NPHS1: variants seen among roughly 807,000 people sequenced by gnomAD.
The protein encoded by NPHS1 is nephrin.
A neutral mutation model predicts 139.7 loss-of-function variants in NPHS1; 107 were observed. That is an observed-to-expected ratio of 0.77 (90% CI 0.66 to 0.90). The LOEUF is 0.90. Among genes scored for constraint, NPHS1 ranks in the 40% least tolerant of loss-of-function variants. The pLI is 0.00. For missense variants in NPHS1, 1,580 were observed against 1,654.2 expected, an observed-to-expected ratio of 0.96 and a Z score of 0.78; for synonymous variants, 707 against 706.6, an observed-to-expected ratio of 1.00 and a Z score of -0.01.
chr19:35,827,764 A>G (rs767605278), intron 28 of NPHS1, among the ~76,000 whole-genome samples: 6 of 152,078 alleles, frequency 3.9e-5, no homozygotes, highest in Non-Finnish European at 7.4e-5. Context: ...TAAAAATACA[A>G]AAATTAGCCG....
At position 35,845,891 on chromosome 19, in the gene NPHS1, G is replaced by T; in HGVS notation, c.1628-93C>A. On this transcript the variant is annotated intron_variant, in intron 12 of 28. Transcript: ENST00000378910. This position sits in a 1 kb window ranked among gnomAD's most constrained non-coding sequence, Gnocchi z 5.5. ...TGCACCCCAGGCTCCGCCCAGTCTC[G>T]GGTCCCCCACCCCGCCTCCGCCCGC... is the stretch of plus-strand genomic sequence containing the variant. 6.5e-7 allele frequency: 1 copy of T among 1,541,866 alleles called. No individual in the cohort carries two copies. Among genetic ancestry groups the T allele is most frequent in the Non-Finnish European group, 8.8e-7 (1 of 1,142,326 alleles).
At chr19:35,832,973 C>T (rs1257370290) in intron 23 of NPHS1, among the ~76,000 whole-genome samples, 1 of 150,908 alleles carries the variant, frequency 6.6e-6, no homozygotes, top group African/African-American at 2.4e-5. Flanking sequence ...CAACCTCCAC[C>T]TGCAGGGTTC....
chr19:35,841,684 C>T (rs375664414), intron 20 of NPHS1, 31 bp downstream of exon 20: 1 of 1,613,106 alleles, frequency 6.2e-7, no homozygotes, highest in Non-Finnish European at 8.5e-7. Context: ...GGGAGCACCC[C>T]CTCCCCAACA....
chr19:35,832,380 C>CA (rs1395020311), intron 23 of NPHS1, among the ~76,000 whole-genome samples: 1 of 151,920 alleles, frequency 6.6e-6, no homozygotes, highest in African/African-American at 2.4e-5. Flanking sequence ...TGATTCTTTA[C>CA]AAAAAAAATT....
chr19:35,851,225 C>T, intron 3 of NPHS1, 37 bp downstream of exon 3: 1 of 1,613,630 alleles, frequency 6.2e-7, no homozygotes, highest in Non-Finnish European at 8.5e-7. Context: ...GGGCTTGAAG[C>T]CCAGACTCAT....
chr19:35,843,769 C>T, intron 16 of NPHS1, 176 bp from the exon 17 acceptor site: 1 of 757,258 alleles, frequency 1.3e-6, no homozygotes. Context: ...AGGTTGTCTC[C>T]ACCCTCCACT....
chr19:35,841,821 G>A lies in NPHS1; in HGVS notation c.2709C>T (p.Leu903=). ...TYHQGGVHSS[L]LTIANVSAAQ... ...CGGCAGACACGTTGGCAATGGTCAG[G>A]AGGCTGCTGTGGACACCACCCTGGT... Residue 903 remains leucine, a synonymous_variant, in exon 20 of 29, where the codon CTC becomes CTT. Coordinates refer to ENST00000378910, the MANE Select transcript of NPHS1 (RefSeq NM_004646.4). The A allele has an allele frequency of 6.2e-7, 1 of 1,614,078 alleles. No homozygotes were observed. The highest frequency in any genetic ancestry group is 8.5e-7 in the Non-Finnish European group (1 of 1,179,984).
chr19:35,828,254 A>T (rs1472779468), intron 28 of NPHS1, among the ~76,000 whole-genome samples: 1 of 151,736 alleles, frequency 6.6e-6, no homozygotes, highest in Non-Finnish European at 1.5e-5. Flanking sequence ...AATGGTTTTT[A>T]TTTTTTTCTT....
chr19:35,844,467 G>T lies in NPHS1; in HGVS notation c.1931-8C>A, dbSNP rs1973107367. 1.3e-6 allele frequency: 2 copies of T among 1,565,092 alleles called. No individual in the cohort carries two copies. On this transcript the variant is annotated splice_polypyrimidine_tract_variant and splice_region_variant and intron_variant, in intron 14 of 28. Transcript: ENST00000378910. The stretch of plus-strand genomic sequence containing the variant: ...CCAGGAACTCTGGACGGTCTTCAGA[G>T]GGGGCGCCGCAGGGAGTCAAGATTG...
intron 22 of NPHS1, 84 bp downstream of exon 22, chr19:35,839,153 A>AAAAGGGGAAGAGT (rs1413263947): frequency 6.7e-6 from 9 of 1,337,050 alleles, no homozygotes; most frequent in African/African-American, 1.4e-5. Flanking sequence ...AACTCATCAT[A>AAAAGGGGAAGAGT]AAAGGGGAAT....
In NPHS1 at chr19:35,845,742, C is replaced by A; in HGVS notation, c.1684G>T (p.Ala562Ser). 1.2e-6 allele frequency: 2 copies of A among 1,614,090 alleles called. No homozygotes were observed. Among genetic ancestry groups the A allele is most frequent in the Non-Finnish European group, 1.7e-6 (2 of 1,179,972 alleles). ...ACGCTGACGCATGTCAAGTTTAAGG[C>A]GTCTCCCGGGCGCAGTGCGGATGCG... ...ANASALRPGD[A>S]LNLTCVSVSS... Residue 562 changes from alanine (A) to serine (S), a missense_variant, in exon 13 of 29, where the codon GCC (alanine) becomes TCC (serine). Ala to Ser is a moderately conservative substitution (Grantham distance 99, BLOSUM62 1). Transcript: ENST00000378910. The surrounding 1 kb of genome is among the most constrained non-coding windows in gnomAD (Gnocchi z 5.5).
At position 35,846,138 on chromosome 19, in the gene NPHS1, G is replaced by A. The variant is rs1028523589; in HGVS notation, c.1497C>T (p.Leu499=). ...TGCTCCCAGATTTCTCCACGCTGCCGAGATGCACGCGCCGCGACTCCTGCG... is the reference window on the plus strand; with the variant it reads ...TGCTCCCAGATTTCTCCACGCTGCCAAGATGCACGCGCCGCGACTCCTGCG... The part of the protein sequence containing the change: ...RLPQESRRVH[L]GSVEKSGSTF... Residue 499 remains leucine, a synonymous_variant, in exon 12 of 29, where the codon CTC becomes CTT. Coordinates refer to ENST00000378910, the MANE Select transcript of NPHS1 (RefSeq NM_004646.4). 2 of 1,598,186 alleles carry A rather than the reference G, an allele frequency of 1.3e-6. No individual in the cohort carries two copies. Among genetic ancestry groups the A allele is most frequent in the Admixed American group, 1.7e-5 (1 of 57,510 alleles).
In NPHS1 at chr19:35,844,202, G is replaced by A. The variant is rs142102873; in HGVS notation, c.2113C>T (p.His705Tyr). 10 of 1,612,366 alleles carry A rather than the reference G, an allele frequency of 6.2e-6. No homozygotes were observed. The African/African-American group carries it at 1.2e-4, about 19-fold the overall frequency. ...RHRILSSGAL[H>Y]LWNVTRADDG... ...TCCGCGCGGGTCACATTCCACAGAT[G>A]CAGAGCCCCGCTGGACAGGATGCGA... Residue 705 changes from histidine (H) to tyrosine (Y), a missense_variant, in exon 16 of 29, where the codon CAT becomes TAT. Coordinates refer to ENST00000378910, the MANE Select transcript of NPHS1 (RefSeq NM_004646.4).
rs1973106686 is a variant in NPHS1, at chr19:35,844,430, G to C, written c.1960C>G (p.Leu654Val). ...CCCTGCTCCACCGCGGTCACCACCA[G>C]CACCTGCTCCCCCAGGAACTCTGGA... ...YRPEFLGEQV[L>V]VVTAVEQGEA... The change falls in exon 15 of 29, where the codon CTG becomes GTG. Residue 654 changes from leucine (L) to valine (V), a missense_variant. Transcript: ENST00000378910. 1 of 1,596,156 alleles carries C rather than the reference G, an allele frequency of 6.3e-7. No homozygotes were observed. The highest frequency in any genetic ancestry group is 8.5e-7 in the Non-Finnish European group (1 of 1,172,336).
Position 35,851,087 on chromosome 19 carries a change from G to T in NPHS1, c.400C>A (p.Pro134Thr). 1 of 1,614,158 alleles carries T rather than the reference G, an allele frequency of 6.2e-7. No homozygotes were observed. The highest frequency in any genetic ancestry group is 2.2e-5 in the East Asian group (1 of 44,884). ...GGGGTCAGCAGGAGCAGCTTGGGAGGAACTGGTGAGAGAAGGGTCTGGGGT... is the reference window on the plus strand; with the variant it reads ...GGGGTCAGCAGGAGCAGCTTGGGAGTAACTGGTGAGAGAAGGGTCTGGGGT... ...SPRVILSILVPPKLLLLTPEA... is the reference protein window; with the variant it reads ...SPRVILSILVTPKLLLLTPEA... Residue 134 changes from proline to threonine, a missense_variant and splice_region_variant, in exon 4 of 29, where the codon CCT becomes ACT. Pro to Thr is a conservative substitution (Grantham distance 38). Coordinates refer to ENST00000378910, the MANE Select transcript of NPHS1 (RefSeq NM_004646.4).
chr19:35,843,451 C>A, intron 17 of NPHS1, 21 bp downstream of exon 17: 2 of 1,613,782 alleles, frequency 1.2e-6, no homozygotes, highest in African/African-American at 1.3e-5. Flanking sequence ...CACCTCTATT[C>A]ACCAAAGGCT....
chr19:35,841,694 A>G (rs758522947), intron 20 of NPHS1, 21 bp downstream of exon 20: 6 of 1,613,530 alleles, frequency 3.7e-6, no homozygotes, highest in Non-Finnish European at 5.1e-6. Context: ...CCTCCCCAAC[A>G]CCCTCACAGC....
Position 35,848,232 on chromosome 19 carries a change from T to C in NPHS1, c.1315+21A>G, listed in dbSNP as rs776549468. On this transcript the variant is annotated intron_variant, in intron 10 of 28. Coordinates refer to ENST00000378910, the MANE Select transcript of NPHS1 (RefSeq NM_004646.4). Reference sequence around the variant, plus strand: ...GGGTCCTGAGGCTTGGGGGCATTGCTGGGCCAGGGCAGGGGCTCACATTTT... The same window carrying C: ...GGGTCCTGAGGCTTGGGGGCATTGCCGGGCCAGGGCAGGGGCTCACATTTT... 4 of 1,614,050 alleles carry C rather than the reference T, an allele frequency of 2.5e-6. No homozygotes were observed. The Admixed American group carries it at 5.0e-5, about 20-fold the overall frequency.
intron 28 of NPHS1, among the ~76,000 whole-genome samples, chr19:35,827,187 C>T (rs2146803807): frequency 6.6e-6 from 1 of 151,962 alleles, no homozygotes; most frequent in South Asian, 2.1e-4. Flanking sequence ...TCCATTGTGG[C>T]CCAGGCTGGT....
Sources: gnomAD v4.1 joint callset for allele counts (sites outside exome capture counted in the v4.1 genomes callset) on GRCh38, gnomAD v4.1.1 for gene constraint, Gnocchi (gnomAD v3.1) non-coding constraint, MANE v1.5 for transcripts, NCBI Gene and HGNC (gene_info 2026-07-23, HGNC 2026-07-21) for gene names.